The following SHISA7 variants were observed in gnomAD, a reference collection of about 807,000 sequenced individuals.
SHISA7 encodes shisa family member 7.
Under a neutral mutation model 23.9 loss-of-function variants are expected in SHISA7, and 6 were observed. The observed-to-expected ratio is 0.25, with a 90% confidence interval of 0.14 to 0.50. The LOEUF (loss-of-function observed/expected upper bound fraction) is 0.50, where lower values mean the gene tolerates loss of function less well. Ranked by LOEUF, SHISA7 falls within the 20% of genes least tolerant of loss-of-function variation. The pLI, the probability that SHISA7 is intolerant of heterozygous loss-of-function variation, is 0.98. For missense variants in SHISA7, 671 were observed against 801.1 expected, an observed-to-expected ratio of 0.84 and a Z score of 1.96; for synonymous variants, 386 against 398.3, an observed-to-expected ratio of 0.97 and a Z score of 0.37.
intron 3 of SHISA7, 137 bp downstream of exon 3, chr19:55,437,468 C>T: frequency 8.5e-7 from 1 of 1,178,168 alleles, no homozygotes; most frequent in Non-Finnish European, 1.1e-6. Flanking sequence ...CAGGTAATTC[C>T]AGAACGAACT....
chr19:55,435,103 GTGTGTGTGT>G, intron 3 of SHISA7, among the ~76,000 whole-genome samples: 1 of 47,886 alleles, frequency 2.1e-5, no homozygotes, highest in Admixed American at 2.8e-4. Context: ...TGTGTGTATG[GTGTGTGTGT>G]GGTGTGTGTG....
At chr19:55,435,408 T>TGTGGTGTGTGTTG (rs1555753677) in intron 3 of SHISA7, among the ~76,000 whole-genome samples, 1 of 132,470 alleles carries the variant, frequency 7.5e-6, no homozygotes, top group Non-Finnish European at 1.6e-5. Flanking sequence ...TGGGTGTGTG[T>TGTGGTGTGTGTTG]TGTGTGTGTG....
chr19:55,440,194 C>T (rs1269829617), intron 2 of SHISA7, among the ~76,000 whole-genome samples: 1 of 152,078 alleles, frequency 6.6e-6, no homozygotes, highest in Non-Finnish European at 1.5e-5. Flanking sequence ...AAACTGAGGC[C>T]CACAGAGGTG....
chr19:55,437,629 G>A lies in SHISA7; in HGVS notation c.952C>T (p.Arg318Cys). Reference sequence around the variant, plus strand: ...CCCAGCCTCTTGAGGGAAGAGTAGCGGTTCAGCTCGGATTTCACGGCAGCC... The same window carrying A: ...CCCAGCCTCTTGAGGGAAGAGTAGCAGTTCAGCTCGGATTTCACGGCAGCC... ...YEAAVKSELN[R>C]YSSLKRLAEK... The change falls in exon 3 of 4, where the codon CGC becomes TGC. Residue 318 changes from arginine to cysteine, a missense_variant. Arg to Cys is a radical substitution (Grantham distance 180). This residue lies in a region of SHISA7 where 457 missense variants were observed against 488.3 expected (regional missense o/e 0.94). Coordinates refer to ENST00000376325, the MANE Select transcript of SHISA7 (RefSeq NM_001145176.2). 1.3e-6 allele frequency: 2 copies of A among 1,551,434 alleles called. No homozygotes were observed. The highest frequency in any genetic ancestry group is 1.7e-6 in the Non-Finnish European group (2 of 1,146,876).
chr19:55,435,524 A>G (rs539631519), intron 3 of SHISA7, among the ~76,000 whole-genome samples: 13 of 142,012 alleles, frequency 9.2e-5, no homozygotes, highest in Non-Finnish European at 1.4e-4. Context: ...GTGATTGAAC[A>G]GGAGGGTCCC....
intron 3 of SHISA7, among the ~76,000 whole-genome samples, chr19:55,434,781 TG>T (rs1985358014): frequency 9.2e-6 from 1 of 109,094 alleles, no homozygotes; most frequent in Non-Finnish European, 1.9e-5. Flanking sequence ...GGTGTGTGTA[TG>T]GTGTGTGTGG....
Position 55,442,396 on chromosome 19 carries a change from C to A in SHISA7, c.468G>T (p.Gly156=), listed in dbSNP as rs1985618118. The A allele has an allele frequency of 2.9e-6, 4 of 1,364,858 alleles. No homozygotes were observed. In the African/African-American group the frequency reaches 4.6e-5, roughly 16 times the overall value. 84.5% of individuals were successfully genotyped at this position (1,364,858 alleles called of 1,614,324 possible). ...GAGGAGGAGG[G]PGPGQAGWLE... is the part of the protein sequence containing the mutation. ...ACCACCCGGCCTGGCCGGGCCCTGG[C>A]CCCCCGCCCGCACCCCCAGCGCCCC... The change falls in exon 1 of 4, where the codon GGG becomes GGT. Residue 156 remains glycine, a synonymous_variant. Transcript: ENST00000376325.
chr19:55,438,510 G>A, intron 2 of SHISA7: 4 of 1,294,744 alleles, frequency 3.1e-6, no homozygotes, highest in South Asian at 2.5e-5. Flanking sequence ...CAACACAAAG[G>A]GGGAAGGGAA....
chr19:55,442,163 C>T (rs774813094), intron 1 of SHISA7, 30 bp downstream of exon 1: 7 of 1,519,454 alleles, frequency 4.6e-6, no homozygotes, highest in East Asian at 2.5e-5. Context: ...GCCCCAGGCT[C>T]GCAGTCCTCC....
intron 3 of SHISA7, among the ~76,000 whole-genome samples, chr19:55,434,840 T>TGTGTGTGTGCATGTGTGTATATGTG (rs1985368328): frequency 5.8e-5 from 3 of 51,918 alleles, no homozygotes; most frequent in Admixed American, 2.4e-4. Flanking sequence ...TGGTGTGTGG[T>TGTGTGTGTGCATGTGTGTATATGTG]GTGTGTGTGC....
rs940393004 is a variant in SHISA7, at chr19:55,433,310, G to C, written c.1463C>G (p.Pro488Arg). ...HHHALHGSPQPAWMSDAGGGG... is the reference protein window; with the variant it reads ...HHHALHGSPQRAWMSDAGGGG... ...CCCGCCGGCGTCGGACATCCAGGCCGGCTGCGGCGAGCCGTGCAGGGCGTG... is the reference window on the plus strand; with the variant it reads ...CCCGCCGGCGTCGGACATCCAGGCCCGCTGCGGCGAGCCGTGCAGGGCGTG... Residue 488 changes from proline (P) to arginine (R), a missense_variant, in exon 4 of 4, where the codon CCG becomes CGG. Pro to Arg is a moderately radical substitution (Grantham distance 103, BLOSUM62 -2). Around this residue, in one of 5 missense-constraint regions of SHISA7, gnomAD observed 457 missense variants for 488.3 expected, o/e 0.94. Transcript: ENST00000376325. The surrounding 1 kb of genome is among the most constrained non-coding windows in gnomAD (Gnocchi z 8.4). 4.6e-5 allele frequency: 68 copies of C among 1,488,014 alleles called. No individual in the cohort carries two copies. The Admixed American group carries it at 1.2e-3, about 27-fold the overall frequency. 92.2% of individuals were successfully genotyped at this position (1,488,014 alleles called of 1,614,324 possible).
chr19:55,434,313 TGTG>T (rs1985301164), intron 3 of SHISA7, among the ~76,000 whole-genome samples: 1 of 141,950 alleles, frequency 7.0e-6, no homozygotes, highest in Non-Finnish European at 1.5e-5. Context: ...GTGTGTGTGG[TGTG>T]TGTGTGTGGT....
At position 55,434,891 on chromosome 19, in the gene SHISA7, GGTGTGTGTGGTGTGTGTGTATATGTGGT is replaced by G. The variant is rs1985375751; in HGVS notation, c.977-1123_977-1096del. 5.4e-4 allele frequency among the ~76,000 whole-genome samples: 55 copies of G among 102,552 alleles called. 1 individual carries two copies. Among genetic ancestry groups the G allele is most frequent in the Non-Finnish European group, 7.0e-4 (35 of 50,050 alleles). The allele number at this position is 102,552 out of a possible 152,430, so 67.3% of individuals were successfully genotyped here. On this transcript the variant is annotated intron_variant, in intron 3 of 3. Coordinates refer to ENST00000376325, the MANE Select transcript of SHISA7 (RefSeq NM_001145176.2). ...GTGTGTGTGGTGTGTGTGTATATGT[GGTGTGTGTGGTGTGTGTGTATATGTGGT>G]GTGTGTGTATATGTGGTGTGTGTAT...
At chr19:55,434,538 GTGGTT>G (rs1985327446) in intron 3 of SHISA7, among the ~76,000 whole-genome samples, 1 of 129,764 alleles carries the variant, frequency 7.7e-6, no homozygotes. Flanking sequence ...TGGTGTGTGT[GTGGTT>G]GTGTGTGTAT....
At position 55,438,550 on chromosome 19, in the gene SHISA7, C is replaced by T; in HGVS notation, c.827-796G>A. On this transcript the variant is annotated intron_variant, in intron 2 of 3. Coordinates refer to ENST00000376325, the MANE Select transcript of SHISA7 (RefSeq NM_001145176.2). ...GCCTGCTCTTTTCCGCAGCCGGGCC[C>T]TCTTCCGCACCCAGTGTGGCGGCGT... The T allele has an allele frequency of 3.1e-6, 4 of 1,304,288 alleles. No individual in the cohort carries two copies. In the South Asian group the frequency reaches 4.9e-5, roughly 16 times the overall value. The allele number at this position is 1,304,288 out of a possible 1,614,324, so 80.8% of individuals were successfully genotyped here.
In SHISA7 at chr19:55,440,710, C is replaced by G. The variant is rs1417668468; in HGVS notation, c.727G>C (p.Ala243Pro). 1 of 1,248,756 alleles carries G rather than the reference C, an allele frequency of 8.0e-7. No individual in the cohort carries two copies. The highest frequency in any genetic ancestry group is 1.0e-6 in the Non-Finnish European group (1 of 988,450). 77.4% of individuals were successfully genotyped at this position (1,248,756 alleles called of 1,614,324 possible). Reference protein sequence around the residue: ...QAGPGTRPDRARSSSLTPGIG... With the variant: ...QAGPGTRPDRPRSSSLTPGIG... Reference sequence around the variant, plus strand: ...CCCGGGGTCAGGGAGCTGCTTCGGGCCCGGTCCGGGCGGGTCCCAGGCCCC... The same window carrying G: ...CCCGGGGTCAGGGAGCTGCTTCGGGGCCGGTCCGGGCGGGTCCCAGGCCCC... Residue 243 changes from alanine (A) to proline (P), a missense_variant, in exon 2 of 4, where the codon GCC becomes CCC. Physicochemically the swap from Ala to Pro is conservative, Grantham distance 27 (BLOSUM62 -1). Coordinates refer to ENST00000376325, the MANE Select transcript of SHISA7 (RefSeq NM_001145176.2).
At position 55,442,351 on chromosome 19, in the gene SHISA7, C is replaced by G. The variant is rs764184885; in HGVS notation, c.513G>C (p.Gly171=). The G allele has an allele frequency of 2.1e-6, 3 of 1,445,300 alleles. No homozygotes were observed. Among genetic ancestry groups the G allele is most frequent in the South Asian group, 2.7e-5 (2 of 73,408 alleles). The allele number at this position is 1,445,300 out of a possible 1,614,324, so 89.5% of individuals were successfully genotyped here. ...QAGWLEGGRT[G]GAGGRGGEGP... ...CCTCGCCCCCGCGGCCCCCGGCACCCCCAGTCCGGCCCCCTTCCAACCACC... is the reference window on the plus strand; with the variant it reads ...CCTCGCCCCCGCGGCCCCCGGCACCGCCAGTCCGGCCCCCTTCCAACCACC... Residue 171 remains glycine, a synonymous_variant, in exon 1 of 4, where the codon GGG becomes GGC. Coordinates refer to ENST00000376325, the MANE Select transcript of SHISA7 (RefSeq NM_001145176.2).
At chr19:55,438,527 C>T (rs1436571921) in intron 2 of SHISA7, 2 of 1,303,384 alleles carry the variant, frequency 1.5e-6, no homozygotes, top group East Asian at 1.1e-4. Context: ...GGAAGGAGGC[C>T]TGCTCTTTTC....
chr19:55,441,410 C>G (rs1348276269), intron 1 of SHISA7, among the ~76,000 whole-genome samples: 1 of 152,176 alleles, frequency 6.6e-6, no homozygotes, highest in African/African-American at 2.4e-5. Flanking sequence ...TAAACCCGGG[C>G]CCGCCTACTT....
Sources: allele counts gnomAD v4.1 joint callset (sites outside exome capture counted in the v4.1 genomes callset), GRCh38; gene constraint gnomAD v4.1.1; regional missense constraint gnomAD v4.1.1; non-coding constraint Gnocchi (gnomAD v3.1); transcripts MANE v1.5; gene names NCBI Gene and HGNC (gene_info 2026-07-23, HGNC 2026-07-21).